The following ETFDH variants were observed in gnomAD, a reference collection of about 807,000 sequenced individuals.
ETFDH encodes the protein electron transfer flavoprotein-ubiquinone oxidoreductase, mitochondrial.
In ETFDH, 61 loss-of-function variants were observed where a neutral mutation model predicts 73.2. The ratio of observed to expected loss-of-function variants is 0.83; its 90% CI spans 0.68 to 1.03. The LOEUF is 1.03. ETFDH is among the 50% of genes least tolerant of loss of function. ETFDH has a pLI of 0.00. For synonymous variants in ETFDH, 243 were observed against 253.3 expected (o/e 0.96, Z 0.39); for missense variants, 685 against 745.0 (o/e 0.92, Z 0.94).
intron 6 of ETFDH, among the ~76,000 whole-genome samples, chr4:158,691,662 C>T (rs1010236497): frequency 1.3e-5 from 2 of 152,162 alleles, no homozygotes; most frequent in Non-Finnish European, 2.9e-5. Context: ...ATGATTTTAA[C>T]ATCTTTTGGT....
At chr4:158,676,008 A>G (rs1561234965) in intron 1 of ETFDH, among the ~76,000 whole-genome samples, 1 of 152,300 alleles carries the variant, frequency 6.6e-6, no homozygotes, top group Non-Finnish European at 1.5e-5. Flanking sequence ...GAAACCGCCC[A>G]ACAGGTTCTC....
intron 1 of ETFDH, among the ~76,000 whole-genome samples, chr4:158,672,975 AC>A (rs1321240760): frequency 6.6e-6 from 1 of 152,208 alleles, no homozygotes; most frequent in African/African-American, 2.4e-5. Context: ...TGACCAAGTC[AC>A]CCAAGTGTAT....
At position 158,706,814 on chromosome 4, in the gene ETFDH, A is replaced by C; in HGVS notation, c.1654A>C (p.Ile552Leu). ...TATACCTGTAAATAGAAATCTGTCG[A>C]TATATGATGGGCCCGAGCAGCGATT... The part of the protein sequence containing the change: ...DSIPVNRNLS[I>L]YDGPEQRFCP... Residue 552 changes from isoleucine (I) to leucine (L), a missense_variant, in exon 12 of 13, where the codon ATA becomes CTA. Around this residue, in one of 3 missense-constraint regions of ETFDH, gnomAD observed 201 missense variants for 225.2 expected, o/e 0.89. Transcript: ENST00000511912. 2 of 1,613,290 alleles carry C rather than the reference A, an allele frequency of 1.2e-6. No individual in the cohort carries two copies. Among genetic ancestry groups the C allele is most frequent in the Non-Finnish European group, 1.7e-6 (2 of 1,179,232 alleles).
rs2150312198 is a variant in ETFDH, at chr4:158,698,989, T to C, written c.975T>C (p.Val325=). 1 of 1,592,426 alleles carries C rather than the reference T, an allele frequency of 6.3e-7. No individual in the cohort carries two copies. The highest frequency in any genetic ancestry group is 1.1e-5 in the South Asian group (1 of 89,906). The change falls in exon 9 of 13, where the codon GTT becomes GTC. Residue 325 remains valine, a splice_region_variant and synonymous_variant. Transcript: ENST00000511912. ...AAATATAAGTGTAAATTTTTAAGGT[T>C]GGTCTAGACTATCAGAATCCATACC... ...GEPLVALGLV[V]GLDYQNPYLS... is the part of the protein sequence containing the mutation.
chr4:158,688,189 C>T (rs890033552), intron 5 of ETFDH, among the ~76,000 whole-genome samples: 2 of 152,042 alleles, frequency 1.3e-5, no homozygotes, highest in Middle Eastern at 3.4e-3. Flanking sequence ...GTCAAGAGAT[C>T]GAGACCATCC....
At chr4:158,673,930 C>G (rs1773647970) in intron 1 of ETFDH, among the ~76,000 whole-genome samples, 1 of 152,196 alleles carries the variant, frequency 6.6e-6, no homozygotes, top group South Asian at 2.1e-4. Context: ...ACCACGGAGA[C>G]TGAATATTCC....
At position 158,690,013 on chromosome 4, in the gene ETFDH, C is replaced by T. The variant is rs141832742; in HGVS notation, c.607-335C>T. Among the ~76,000 whole-genome samples, 232 of 152,192 alleles carry T rather than the reference C, an allele frequency of 1.5e-3. 3 individuals carry two copies. Among genetic ancestry groups the T allele is most frequent in the African/African-American group, 5.1e-3 (211 of 41,526 alleles). ...CATGTTCTTCATGTGTTACAGGCCTCCATTTCAGATTCTTTACACGATTTG... is the reference window on the plus strand; with the variant it reads ...CATGTTCTTCATGTGTTACAGGCCTTCATTTCAGATTCTTTACACGATTTG... On this transcript the variant is annotated intron_variant, in intron 5 of 12. Transcript: ENST00000511912.
chr4:158,701,963 T>G (rs1399286931), intron 9 of ETFDH, among the ~76,000 whole-genome samples: 2 of 152,190 alleles, frequency 1.3e-5, no homozygotes, highest in Non-Finnish European at 2.9e-5. Flanking sequence ...AAGAATTGTC[T>G]TTATCTATTT....
At chr4:158,675,779 A>C (rs1490018156) in intron 1 of ETFDH, among the ~76,000 whole-genome samples, 1 of 152,140 alleles carries the variant, frequency 6.6e-6, no homozygotes, top group Admixed American at 6.5e-5. Context: ...AAAAAAAAAA[A>C]AAAAAAGTCA....
rs1312209757 is a variant in ETFDH at position 158,672,426 on chromosome 4, T to C, written c.-31T>C. 1 of 1,613,792 alleles carries C rather than the reference T, an allele frequency of 6.2e-7. No homozygotes were observed. Among genetic ancestry groups the C allele is most frequent in the East Asian group, 2.2e-5 (1 of 44,884 alleles). ...CGAGCAGCGGACAGTCCTCCTGTTG[T>C]GTCCGACCGAGAGTCCTGGTGACTT... On this transcript the variant is annotated 5_prime_UTR_variant, in exon 1 of 13. Transcript: ENST00000511912.
At chr4:158,687,616 T>A (rs1321434141) in intron 5 of ETFDH, among the ~76,000 whole-genome samples, 1 of 152,238 alleles carries the variant, frequency 6.6e-6, no homozygotes, top group Non-Finnish European at 1.5e-5. Flanking sequence ...AACCACTTCA[T>A]GTCTAGTGTA....
At chr4:158,699,252 TA>T in intron 9 of ETFDH, 122 bp downstream of exon 9, 3 of 866,172 alleles carry the variant, frequency 3.5e-6, no homozygotes, top group Non-Finnish European at 5.7e-6. Context: ...ATGTAGAGTT[TA>T]TAAAACTGTG....
In ETFDH at chr4:158,706,801, T is replaced by C; in HGVS notation, c.1641T>C (p.Asn547=). The part of the protein sequence containing the change: ...LTLRDDSIPV[N]RNLSIYDGPE... ...TAAGGGATGACAGTATACCTGTAAA[T>C]AGAAATCTGTCGATATATGATGGGC... Residue 547 remains asparagine (N), a synonymous_variant, in exon 12 of 13, where the codon AAT becomes AAC. Coordinates refer to ENST00000511912, the MANE Select transcript of ETFDH (RefSeq NM_004453.4). 1 of 1,613,942 alleles carries C rather than the reference T, an allele frequency of 6.2e-7. No homozygotes were observed. Among genetic ancestry groups the C allele is most frequent in the South Asian group, 1.1e-5 (1 of 91,086 alleles).
chr4:158,702,848 TG>T (rs1774500631), intron 9 of ETFDH, among the ~76,000 whole-genome samples: 5 of 152,196 alleles, frequency 3.3e-5, no homozygotes, highest in Non-Finnish European at 7.4e-5. Context: ...GTGGGATGGC[TG>T]GGTCATATGG....
rs771393519 is a variant in ETFDH, at chr4:158,706,790, A to AT, written c.1631dup (p.Pro545ThrfsTer4). On this transcript the variant is annotated frameshift_variant, in exon 12 of 13. Transcript: ENST00000511912. LOFTEE classifies it high-confidence loss of function. ...ACACTTAACCTTAAGGGATGACAGT[A>AT]TACCTGTAAATAGAAATCTGTCGAT... 2 of 1,614,004 alleles carry AT rather than the reference A, an allele frequency of 1.2e-6. No homozygotes were observed. The highest frequency in any genetic ancestry group is 2.2e-5 in the South Asian group (2 of 91,084).
chr4:158,704,616 G>A (rs11946113), intron 10 of ETFDH, among the ~76,000 whole-genome samples: 1,934 of 152,136 alleles, frequency 0.013, 43 homozygotes, highest in African/African-American at 0.042. Context: ...TTACTTACTT[G>A]TTTATCAACT....
Position 158,706,196 on chromosome 4 carries a change from TGTA to T in ETFDH, c.1294_1296del (p.Val432del). The T allele has an allele frequency of 6.2e-7, 1 of 1,607,110 alleles. No individual in the cohort carries two copies. The highest frequency in any genetic ancestry group is 8.5e-7 in the Non-Finnish European group (1 of 1,173,530). ...TCATGTTTTTAATAAAAGGACTCCA[TGTA>T]ACTGAATATGAGGACAATTTGAAGA... is the stretch of plus-strand genomic sequence containing the variant. On this transcript the variant is annotated inframe_deletion, in exon 11 of 13. Transcript: ENST00000511912.
At chr4:158,699,741 A>G (rs1393050401) in intron 9 of ETFDH, among the ~76,000 whole-genome samples, 1 of 152,224 alleles carries the variant, frequency 6.6e-6, no homozygotes, top group Non-Finnish European at 1.5e-5. Flanking sequence ...TAATTCATTC[A>G]TTCCAACTAC....
intron 6 of ETFDH, among the ~76,000 whole-genome samples, chr4:158,690,841 C>G (rs1457772352): frequency 1.3e-5 from 2 of 151,678 alleles, no homozygotes; most frequent in Non-Finnish European, 2.9e-5. Flanking sequence ...CTGTCTCTAT[C>G]AAAAATACAA....
Sources: allele counts gnomAD v4.1 joint callset (sites outside exome capture counted in the v4.1 genomes callset), GRCh38; gene constraint gnomAD v4.1.1; regional missense constraint gnomAD v4.1.1; transcripts MANE v1.5; gene names NCBI Gene and HGNC (gene_info 2026-07-23, HGNC 2026-07-21).